The following RPH3A variants were observed in gnomAD, a reference collection of about 807,000 sequenced individuals.
RPH3A encodes the protein rabphilin-3A.
A neutral mutation model predicts 102.2 loss-of-function variants in RPH3A; 48 were observed. The ratio of observed to expected loss-of-function variants is 0.47; its 90% CI spans 0.37 to 0.60. The LOEUF is 0.60. RPH3A is among the 20% of genes least tolerant of loss of function. The pLI is 0.00. For missense variants in RPH3A, 781 were observed against 910.1 expected (o/e 0.86, Z 1.83); for synonymous variants, 310 against 324.3 (o/e 0.96, Z 0.47).
At chr12:112,634,188 AAT>A (rs2039828776) in intron 1 of RPH3A, among the ~76,000 whole-genome samples, 1 of 145,302 alleles carries the variant, frequency 6.9e-6, no homozygotes, top group African/African-American at 2.6e-5. Flanking sequence ...CTCTACTAAA[AAT>A]ACAAAAAATT....
At chr12:112,616,839 AT>A (rs1011565463) in intron 1 of RPH3A, among the ~76,000 whole-genome samples, 1 of 152,240 alleles carries the variant, frequency 6.6e-6, no homozygotes, top group African/African-American at 2.4e-5. Flanking sequence ...AACAGCTGAA[AT>A]TTGGGAGCCT....
At chr12:112,875,413 C>T (rs2042778907) in intron 11 of RPH3A, among the ~76,000 whole-genome samples, 3 of 152,080 alleles carry the variant, frequency 2.0e-5, no homozygotes, top group Non-Finnish European at 2.9e-5. Flanking sequence ...GCACCTCATT[C>T]GCCAGTGTTT....
intron 8 of RPH3A, chr12:112,868,802 C>G (rs2042656631): frequency 2.0e-6 from 1 of 495,932 alleles, no homozygotes; most frequent in Non-Finnish European, 3.5e-6. Context: ...TCCAGCAATG[C>G]CAAGCCGCCC....
chr12:112,811,024 T>C (rs534095950), intron 2 of RPH3A, among the ~76,000 whole-genome samples: 20 of 152,206 alleles, frequency 1.3e-4, no homozygotes, highest in Non-Finnish European at 2.4e-4. Context: ...CAATTCCCAT[T>C]ACTCATGATA....
intron 1 of RPH3A, among the ~76,000 whole-genome samples, chr12:112,773,152 A>G (rs1246014938): frequency 6.6e-6 from 1 of 152,010 alleles, no homozygotes; most frequent in Non-Finnish European, 1.5e-5. Flanking sequence ...ATAAATATAT[A>G]TATACCACAG....
chr12:112,621,657 G>T (rs1319877894), intron 1 of RPH3A, among the ~76,000 whole-genome samples: 5 of 151,948 alleles, frequency 3.3e-5, no homozygotes, highest in South Asian at 2.1e-4. Flanking sequence ...GCCCAGGCTT[G>T]CTTAGGTAAA....
chr12:112,639,146 G>A (rs1051765764), intron 1 of RPH3A, among the ~76,000 whole-genome samples: 2 of 152,152 alleles, frequency 1.3e-5, no homozygotes, highest in Non-Finnish European at 2.9e-5. Context: ...TGGTTTACGG[G>A]TGTATCATTA....
Position 112,661,835 on chromosome 12 carries a change from G to A in RPH3A, c.-140+86516G>A, listed in dbSNP as rs114930188. On this transcript the variant is annotated intron_variant, in intron 1 of 21. Coordinates refer to the RPH3A transcript ENST00000543106. ...ATGAAAACACTTTGTTTCTGTGGCA[G>A]CATTGAACAAACTCCCCCCAGCCAC... Among the ~76,000 whole-genome samples the A allele has an allele frequency of 6.3e-3, 961 of 152,176 alleles. 17 individuals carry two copies. The highest frequency in any genetic ancestry group is 0.023 in the African/African-American group (936 of 41,520).
intron 1 of RPH3A, among the ~76,000 whole-genome samples, chr12:112,786,361 C>G (rs1249297412): frequency 1.3e-5 from 2 of 152,200 alleles, no homozygotes; most frequent in Non-Finnish European, 2.9e-5. Flanking sequence ...ACCCAGCAAT[C>G]CTTTCTCTCT....
intron 1 of RPH3A, among the ~76,000 whole-genome samples, chr12:112,731,069 G>A (rs897574520): frequency 2.3e-4 from 35 of 152,208 alleles, no homozygotes; most frequent in Non-Finnish European, 3.7e-4. Flanking sequence ...CTCTCTAGGA[G>A]CTCTGTGTTA....
At chr12:112,886,251 A>G (rs1024573978) in intron 16 of RPH3A, among the ~76,000 whole-genome samples, 11 of 152,090 alleles carry the variant, frequency 7.2e-5, no homozygotes, top group Admixed American at 7.2e-4. Context: ...ATGAATTATC[A>G]TGCCGTGACT....
rs1419603918 is a variant in RPH3A at position 112,836,576 on chromosome 12, T to TTTCC, written c.83+75_83+78dup. On this transcript the variant is annotated intron_variant, in intron 4 of 21. Transcript: ENST00000389385. The stretch of plus-strand genomic sequence containing the variant: ...TATCTCTTTCTCTGATCAAGGTGGC[T>TTTCC]TTCCCCTAAAGAGAGATGGTTAAAA... 1.5e-5 allele frequency: 11 copies of TTTCC among 723,296 alleles called. No individual in the cohort carries two copies. In the African/African-American group the frequency reaches 1.7e-4, roughly 11 times the overall value. The allele number at this position is 723,296 out of a possible 1,614,324, so 44.8% of individuals were successfully genotyped here. A position where few individuals can be genotyped will look rare whatever the true frequency, so the allele number is the denominator to read the frequency against.
intron 2 of RPH3A, among the ~76,000 whole-genome samples, chr12:112,807,534 A>T (rs1444906570): frequency 2.0e-5 from 3 of 152,162 alleles, no homozygotes; most frequent in African/African-American, 7.2e-5. Flanking sequence ...CGAGTTACCA[A>T]ATCTCTCTGC....
At chr12:112,745,431 T>G (rs1275702397) in intron 1 of RPH3A, among the ~76,000 whole-genome samples, 1 of 152,236 alleles carries the variant, frequency 6.6e-6, no homozygotes, top group African/African-American at 2.4e-5. Flanking sequence ...TTTAGCATCC[T>G]TTGAGGGTTT....
upstream of RPH3A, among the ~76,000 whole-genome samples, chr12:112,789,403 T>C (rs933845028): frequency 6.6e-6 from 1 of 152,178 alleles, no homozygotes; most frequent in African/African-American, 2.4e-5. Flanking sequence ...AATTTTCCCC[T>C]CAAACTTGTA....
chr12:112,673,209 CCAAA>C (rs1043173276), intron 1 of RPH3A, among the ~76,000 whole-genome samples: 2 of 152,192 alleles, frequency 1.3e-5, no homozygotes, highest in African/African-American at 4.8e-5. Flanking sequence ...ATTATTATCA[CCAAA>C]CACTTTGTTG....
intron 1 of RPH3A, among the ~76,000 whole-genome samples, chr12:112,676,583 G>C (rs750961638): frequency 6.6e-6 from 1 of 152,234 alleles, no homozygotes; most frequent in Non-Finnish European, 1.5e-5. Context: ...CCTTTAAAAT[G>C]CCACTTCATT....
intron 1 of RPH3A, among the ~76,000 whole-genome samples, chr12:112,737,233 C>T (rs2040676134): frequency 6.6e-6 from 1 of 150,828 alleles, no homozygotes; most frequent in South Asian, 2.1e-4. Flanking sequence ...AGATATTATG[C>T]TAAGGGATGA....
intron 1 of RPH3A, among the ~76,000 whole-genome samples, chr12:112,655,295 T>C (rs2040003115): frequency 6.6e-6 from 1 of 152,218 alleles, no homozygotes; most frequent in African/African-American, 2.4e-5. Context: ...TTTCCAAAAA[T>C]TCTTCACATC....
Sources: allele counts gnomAD v4.1 joint callset (sites outside exome capture counted in the v4.1 genomes callset), GRCh38; gene constraint gnomAD v4.1.1; transcripts MANE v1.5; gene names NCBI Gene and HGNC (gene_info 2026-07-23, HGNC 2026-07-21).